Variants in TRIM54 observed in about 807,000 individuals in gnomAD.
TRIM54 encodes tripartite motif containing 54.
TRIM54 carries 40 observed loss-of-function variants against 42.0 expected under a neutral mutation model. That is an observed-to-expected ratio of 0.95 (90% CI 0.74 to 1.24). The LOEUF (loss-of-function observed/expected upper bound fraction) is 1.24, where lower values mean the gene tolerates loss of function less well. Ranked by LOEUF, TRIM54 falls within the 50% of genes most tolerant of loss-of-function variation. The pLI, the probability that TRIM54 is intolerant of heterozygous loss-of-function variation, is 0.00. For synonymous variants in TRIM54, 199 were observed against 194.9 expected (o/e 1.02, Z -0.17); for missense variants, 485 against 480.3 (o/e 1.01, Z -0.09).
chr2:27,293,301 G>T (rs1293357781), intron 1 of TRIM54, among the ~76,000 whole-genome samples: 1 of 152,168 alleles, frequency 6.6e-6, no homozygotes, highest in African/African-American at 2.4e-5. Context: ...GTTGGATGTT[G>T]TCATTGGTTT....
In TRIM54 at chr2:27,306,412, G is replaced by A. The variant is rs778301429; in HGVS notation, c.992-44G>A. ...GGGGGGTGCGGCGGGCACGATGGCC[G>A]TAAAGGCAGGGACTCCACCTCACCA... On this transcript the variant is annotated intron_variant, in intron 7 of 8. Transcript: ENST00000380075. This position sits in a 1 kb window ranked among gnomAD's most constrained non-coding sequence, Gnocchi z 6.1. The A allele has an allele frequency of 9.3e-6, 15 of 1,609,958 alleles. No homozygotes were observed. The highest frequency in any genetic ancestry group is 6.7e-5 in the East Asian group (3 of 44,696).
At chr2:27,303,013 T>C (rs1049498629) in intron 3 of TRIM54, among the ~76,000 whole-genome samples, 2 of 152,096 alleles carry the variant, frequency 1.3e-5, no homozygotes, top group Non-Finnish European at 1.5e-5. Flanking sequence ...TGCAGGGTCC[T>C]CTCTATCACA....
At chr2:27,305,195 T>G in intron 4 of TRIM54, 141 bp downstream of exon 4, 2 of 703,756 alleles carry the variant, frequency 2.8e-6, no homozygotes, top group Non-Finnish European at 4.9e-6. Context: ...GGAGGTGCTT[T>G]TGCCAGGCTG....
intron 2 of TRIM54, 108 bp downstream of exon 2, chr2:27,298,847 G>A: frequency 8.1e-7 from 1 of 1,229,020 alleles, no homozygotes; most frequent in Non-Finnish European, 1.1e-6. Flanking sequence ...TGCCTGTTCT[G>A]TCTAGAGACC....
At chr2:27,295,572 C>G (rs1285978939) in intron 1 of TRIM54, among the ~76,000 whole-genome samples, 1 of 152,190 alleles carries the variant, frequency 6.6e-6, no homozygotes. Context: ...TCCCAAAGTG[C>G]TGGGATTACG....
chr2:27,286,827 C>A (rs1678580844), intron 1 of TRIM54, among the ~76,000 whole-genome samples: 1 of 152,178 alleles, frequency 6.6e-6, no homozygotes, highest in South Asian at 2.1e-4. Flanking sequence ...AATTCCATTT[C>A]TTTATCCTTT....
At chr2:27,304,916 AG>A (rs771512108) in intron 3 of TRIM54, 42 bp from the exon 4 acceptor site, 1 of 1,583,196 alleles carries the variant, frequency 6.3e-7, no homozygotes, top group South Asian at 1.1e-5. Flanking sequence ...GTGTAGCTCT[AG>A]GCCAGGTCCC....
At chr2:27,290,882 T>G (rs1043347254) in intron 1 of TRIM54, among the ~76,000 whole-genome samples, 1 of 152,162 alleles carries the variant, frequency 6.6e-6, no homozygotes, top group Non-Finnish European at 1.5e-5. Context: ...ATAGCCAGTA[T>G]AGAAGACTTT....
chr2:27,303,394 AC>A (rs1268352166), intron 3 of TRIM54, among the ~76,000 whole-genome samples: 1 of 152,076 alleles, frequency 6.6e-6, no homozygotes, highest in Non-Finnish European at 1.5e-5. Context: ...TACTAAAGAT[AC>A]AAAAAATTAG....
At chr2:27,291,410 TC>T (rs1442449407) in intron 1 of TRIM54, among the ~76,000 whole-genome samples, 4 of 152,326 alleles carry the variant, frequency 2.6e-5, no homozygotes, top group African/African-American at 4.8e-5. Context: ...ATTTACTTTA[TC>T]CTTATTCTAT....
At chr2:27,289,754 C>A (rs1037085152) in intron 1 of TRIM54, among the ~76,000 whole-genome samples, 7 of 151,660 alleles carry the variant, frequency 4.6e-5, no homozygotes, top group African/African-American at 1.7e-4. Context: ...CAGTGGCACA[C>A]ACCTGCAGTC....
At chr2:27,299,671 C>G in intron 3 of TRIM54, 1 of 627,070 alleles carries the variant, frequency 1.6e-6, no homozygotes. Context: ...CCACCGCACT[C>G]AGCCCTATCT....
chr2:27,305,797 C>G lies in TRIM54; in HGVS notation c.823C>G (p.Gln275Glu). The G allele has an allele frequency of 6.2e-7, 1 of 1,605,572 alleles. No homozygotes were observed. The highest frequency in any genetic ancestry group is 8.5e-7 in the Non-Finnish European group (1 of 1,176,018). The change falls in exon 5 of 9, where the codon CAA becomes GAA. Residue 275 changes from glutamine (Q) to glutamate (E), a missense_variant. Physicochemically the swap from Gln to Glu is conservative, Grantham distance 29. Coordinates refer to ENST00000380075, the MANE Select transcript of TRIM54 (RefSeq NM_187841.3). Reference sequence around the variant, plus strand: ...TGCCATCCAGTCCATGGAAGAGCCACAAATGGCGCTGTATCTCCAGGTGGG... The same window carrying G: ...TGCCATCCAGTCCATGGAAGAGCCAGAAATGGCGCTGTATCTCCAGGTGGG... ...ESAIQSMEEP[Q>E]MALYLQQAKE...
At chr2:27,298,819 A>C (rs1678944072) in intron 2 of TRIM54, 80 bp downstream of exon 2, 1 of 1,462,494 alleles carries the variant, frequency 6.8e-7, no homozygotes, top group African/African-American at 1.4e-5. Flanking sequence ...CAAAAGGGAG[A>C]GATTGAAACG....
At chr2:27,289,272 G>A (rs988550578) in intron 1 of TRIM54, among the ~76,000 whole-genome samples, 1 of 152,186 alleles carries the variant, frequency 6.6e-6, no homozygotes, top group Non-Finnish European at 1.5e-5. Flanking sequence ...GAAACTGATG[G>A]CATTAGAATA....
At chr2:27,295,692 G>A (rs953882659) in intron 1 of TRIM54, among the ~76,000 whole-genome samples, 1 of 152,146 alleles carries the variant, frequency 6.6e-6, no homozygotes, top group Non-Finnish European at 1.5e-5. Context: ...ATGGAGGTTG[G>A]GGAGAGCGGC....
rs752194379 is a variant in TRIM54, at chr2:27,305,713, C to G, written c.739C>G (p.Arg247Gly). The G allele has an allele frequency of 5.0e-6, 8 of 1,612,234 alleles. No individual in the cohort carries two copies. Among genetic ancestry groups the G allele is most frequent in the African/African-American group, 1.3e-5 (1 of 74,934 alleles). ...REQEEKLQRV[R>G]GLIRQYGDHL... ...GCAAGAGGAGAAGCTGCAGCGCGTCCGCGGCCTCATCCGTCAGTATGGCGA... is the reference window on the plus strand; with the variant it reads ...GCAAGAGGAGAAGCTGCAGCGCGTCGGCGGCCTCATCCGTCAGTATGGCGA... Residue 247 changes from arginine (R) to glycine (G), a missense_variant, in exon 5 of 9, where the codon CGC becomes GGC. By Grantham distance (125) the Arg-to-Gly change is moderately radical. Transcript: ENST00000380075.
chr2:27,304,891 T>G, intron 3 of TRIM54, 68 bp from the exon 4 acceptor site: 1 of 1,459,084 alleles, frequency 6.9e-7, no homozygotes, highest in Non-Finnish European at 9.5e-7. Context: ...TAGGCAACCC[T>G]GGCTGGGGTG....
intron 1 of TRIM54, among the ~76,000 whole-genome samples, chr2:27,292,816 T>G (rs1678755714): frequency 6.6e-6 from 1 of 152,234 alleles, no homozygotes; most frequent in Non-Finnish European, 1.5e-5. Flanking sequence ...GTGTCTGGCT[T>G]ATTTTGCTTA....
Sources: allele counts gnomAD v4.1 joint callset (sites outside exome capture counted in the v4.1 genomes callset), GRCh38; gene constraint gnomAD v4.1.1; non-coding constraint Gnocchi (gnomAD v3.1); transcripts MANE v1.5; gene names NCBI Gene and HGNC (gene_info 2026-07-23, HGNC 2026-07-21).